Variants in KAZN observed in about 807,000 individuals in gnomAD.
The protein encoded by KAZN is kazrin, periplakin interacting protein.
A neutral mutation model predicts 87.4 loss-of-function variants in KAZN; 40 were observed. The observed-to-expected ratio is 0.46, with a 90% confidence interval of 0.36 to 0.60. The LOEUF (loss-of-function observed/expected upper bound fraction) is 0.60. Ranked by LOEUF, KAZN falls within the 20% of genes least tolerant of loss-of-function variation. The probability of loss-of-function intolerance (pLI) is 0.00; values close to 1 mark genes in which losing one functional copy is unlikely to be tolerated. For missense variants in KAZN, 898 were observed against 1,073.9 expected (o/e 0.84, Z 2.29); for synonymous variants, 466 against 458.3 (o/e 1.02, Z -0.22).
intron 2 of KAZN, among the ~76,000 whole-genome samples, chr1:14,324,075 C>G (rs1161507023): frequency 6.6e-6 from 1 of 152,192 alleles, no homozygotes; most frequent in Non-Finnish European, 1.5e-5. Flanking sequence ...TAATTGCATT[C>G]TGTTTTCCAA....
chr1:14,819,794 G>A (rs1037730561), intron 1 of KAZN, among the ~76,000 whole-genome samples: 8 of 140,594 alleles, frequency 5.7e-5, no homozygotes, highest in South Asian at 4.4e-4. Context: ...TGCAACCTCC[G>A]TCTCCTGGGT....
chr1:15,010,875 AAAGCTGGGT>A lies in KAZN; in HGVS notation c.419-23871_419-23863del, dbSNP rs532531832. 9.2e-5 allele frequency among the ~76,000 whole-genome samples: 14 copies of A among 152,330 alleles called. No homozygotes were observed. The East Asian group carries it at 1.7e-3, about 19-fold the overall frequency. On this transcript the variant is annotated intron_variant, in intron 2 of 14. Transcript: ENST00000376030. ...TACCCACTGGTAGAATTCAAAAACG[AAAGCTGGGT>A]AATTAACATTTCTCCCTTTATTTAC...
intron 2 of KAZN, among the ~76,000 whole-genome samples, chr1:15,019,824 G>T (rs1035170732): frequency 6.6e-6 from 1 of 152,270 alleles, no homozygotes; most frequent in African/African-American, 2.4e-5. Context: ...GCTGACTACG[G>T]CTGTTACTGT....
chr1:15,041,322 A>AT (rs1220391505), intron 3 of KAZN, among the ~76,000 whole-genome samples: 1 of 83,182 alleles, frequency 1.2e-5, no homozygotes, highest in Non-Finnish European at 2.3e-5. Context: ...TACTCTCCGC[A>AT]TTTTTTTTCT....
intron 1 of KAZN, among the ~76,000 whole-genome samples, chr1:13,926,825 T>C (rs16853159): frequency 0.19 from 29,385 of 152,074 alleles, 2,886 homozygotes; most frequent in Non-Finnish European, 0.22. Flanking sequence ...TTGCTATTTT[T>C]CCAAGTTAGG....
rs139808217 is a variant in KAZN, at chr1:14,120,242, C to T, written c.92-60193C>T. 4.3e-4 allele frequency among the ~76,000 whole-genome samples: 65 copies of T among 152,114 alleles called. 1 individual carries two copies. Among genetic ancestry groups the T allele is most frequent in the African/African-American group, 1.5e-3 (61 of 41,424 alleles). On this transcript the variant is annotated intron_variant, in intron 1 of 16. Transcript: ENST00000636203. ...AATCATAGAAGAAGGCAAAGAGGAACGGCATCTCACATGGGCAGAGAAGGA... is the reference window on the plus strand; with the variant it reads ...AATCATAGAAGAAGGCAAAGAGGAATGGCATCTCACATGGGCAGAGAAGGA...
At chr1:14,968,542 CA>C (rs1230421337) in intron 2 of KAZN, among the ~76,000 whole-genome samples, 3 of 152,176 alleles carry the variant, frequency 2.0e-5, no homozygotes, top group African/African-American at 4.8e-5. Context: ...CTGGACTTGG[CA>C]GCCCTAAACA....
chr1:14,081,768 T>G (rs1295077696), intron 1 of KAZN, among the ~76,000 whole-genome samples: 1 of 152,068 alleles, frequency 6.6e-6, no homozygotes, highest in East Asian at 1.9e-4. Flanking sequence ...TTGTTTGTTT[T>G]TTGAGACATA....
chr1:14,117,171 A>G (rs181744881), intron 1 of KAZN, among the ~76,000 whole-genome samples: 1 of 152,286 alleles, frequency 6.6e-6, no homozygotes, highest in Non-Finnish European at 1.5e-5. Context: ...TGGTTTTGAT[A>G]TGTGAGGACA....
At chr1:14,675,813 A>C (rs1213682751) in intron 1 of KAZN, among the ~76,000 whole-genome samples, 3 of 152,186 alleles carry the variant, frequency 2.0e-5, no homozygotes, top group Non-Finnish European at 4.4e-5. Flanking sequence ...GGAATAGCCA[A>C]GGTTGTTCTC....
chr1:14,369,484 T>A lies in KAZN; in HGVS notation c.249+188892T>A, dbSNP rs540381510. ...GCCTTGAAATGTGCTAGCCAAGATT[T>A]GTGAAGCGGCTTCTCCATCTGGAGA... On this transcript the variant is annotated intron_variant, in intron 2 of 16. Coordinates refer to the KAZN transcript ENST00000636203. Among the ~76,000 whole-genome samples the A allele has an allele frequency of 1.2e-3, 185 of 152,274 alleles. 2 individuals carry two copies. The highest frequency in any genetic ancestry group is 4.1e-3 in the African/African-American group (172 of 41,550).
chr1:14,580,776 T>C (rs1416137674), intron 2 of KAZN, among the ~76,000 whole-genome samples: 1 of 152,228 alleles, frequency 6.6e-6, no homozygotes, highest in Non-Finnish European at 1.5e-5. Flanking sequence ...TGCAGTCACC[T>C]TTGACCTCTG....
chr1:14,804,655 T>TC (rs1646147035), intron 1 of KAZN, among the ~76,000 whole-genome samples: 1 of 152,152 alleles, frequency 6.6e-6, no homozygotes, highest in Non-Finnish European at 1.5e-5. Context: ...AAAAGAGGCC[T>TC]CCCCACGTCC....
rs1017381231 is a variant in KAZN, at chr1:14,629,652, C to G, written c.226+30429C>G. Among the ~76,000 whole-genome samples the G allele has an allele frequency of 4.6e-5, 7 of 152,176 alleles. No individual in the cohort carries two copies. The East Asian group carries it at 9.6e-4, about 21-fold the overall frequency. ...CTCGTTGCTTCCTTGTTCACATCCA[C>G]TAGGTAGGAGCTCACTCTGTCTAAT... On this transcript the variant is annotated intron_variant, in intron 1 of 14. Transcript: ENST00000376030.
intron 2 of KAZN, among the ~76,000 whole-genome samples, chr1:14,560,814 C>CA (rs1183989529): frequency 6.6e-6 from 1 of 152,116 alleles, no homozygotes; most frequent in Non-Finnish European, 1.5e-5. Context: ...GAGGAGTTTC[C>CA]ATACTGGATT....
chr1:14,627,339 G>A (rs935444162), intron 1 of KAZN, among the ~76,000 whole-genome samples: 6 of 152,076 alleles, frequency 3.9e-5, no homozygotes, highest in African/African-American at 1.2e-4. Context: ...GGCCTCTGTA[G>A]CTGGGGCCCA....
At chr1:13,942,995 G>A (rs1640996670) in intron 1 of KAZN, among the ~76,000 whole-genome samples, 2 of 152,236 alleles carry the variant, frequency 1.3e-5, no homozygotes, top group South Asian at 4.1e-4. Flanking sequence ...GATCCAATAA[G>A]TATCATTGAA....
intron 8 of KAZN, among the ~76,000 whole-genome samples, chr1:15,082,481 T>C (rs139512997): frequency 6.6e-6 from 1 of 152,166 alleles, no homozygotes; most frequent in South Asian, 2.1e-4. Context: ...ACTCAAAATT[T>C]TAAATAGTAA....
At chr1:14,898,149 C>T (rs1655465478) in intron 1 of KAZN, among the ~76,000 whole-genome samples, 1 of 152,282 alleles carries the variant, frequency 6.6e-6, no homozygotes, top group East Asian at 1.9e-4. Context: ...TCCAGATGAA[C>T]CAACTTCTCA....
Sources: gnomAD v4.1 joint callset for allele counts (sites outside exome capture counted in the v4.1 genomes callset) on GRCh38, gnomAD v4.1.1 for gene constraint, MANE v1.5 for transcripts, NCBI Gene and HGNC (gene_info 2026-07-23, HGNC 2026-07-21) for gene names.